PFKL: variants seen among roughly 807,000 people sequenced by gnomAD.
PFKL encodes the protein phosphofructokinase, liver type.
In PFKL, 74 loss-of-function variants were observed where a neutral mutation model predicts 92.1. The ratio of observed to expected loss-of-function variants is 0.80; its 90% CI spans 0.67 to 0.97. The LOEUF (loss-of-function observed/expected upper bound fraction) is 0.97, where lower values mean the gene tolerates loss of function less well. Among genes scored for constraint, PFKL ranks in the 50% least tolerant of loss-of-function variants. PFKL has a pLI of 0.00. For synonymous variants in PFKL, 494 were observed against 456.4 expected (o/e 1.08, Z -1.05); for missense variants, 1,028 against 1,116.6 (o/e 0.92, Z 1.13).
intron 2 of PFKL, among the ~76,000 whole-genome samples, chr21:44,309,682 C>G (rs1041537489): frequency 4.6e-5 from 7 of 152,202 alleles, no homozygotes; most frequent in African/African-American, 7.2e-5. Context: ...TGGTGGCCTC[C>G]TGCTCAGGTG....
chr21:44,311,203 G>C, intron 3 of PFKL, 120 bp downstream of exon 3: 1 of 703,152 alleles, frequency 1.4e-6, no homozygotes, highest in Non-Finnish European at 2.4e-6. Context: ...CACACATGCA[G>C]ACACACAGAC....
intron 1 of PFKL, among the ~76,000 whole-genome samples, chr21:44,303,441 A>AAAAAAATGACTTGATCG (rs1555874959): frequency 1.0e-5 from 1 of 97,096 alleles, no homozygotes; most frequent in South Asian, 3.2e-4. Flanking sequence ...ACCAAAAAAA[A>AAAAAAATGACTTGATCG]AAAAAAAAAA....
At chr21:44,307,476 T>G (rs2040985543) in intron 2 of PFKL, 1 of 206,224 alleles carries the variant, frequency 4.8e-6, no homozygotes, top group Admixed American at 6.5e-5. Context: ...GTTATTTTGT[T>G]GCCACTTTTT....
At chr21:44,311,712 C>T (rs1219779700) in intron 3 of PFKL, among the ~76,000 whole-genome samples, 1 of 152,158 alleles carries the variant, frequency 6.6e-6, no homozygotes, top group Admixed American at 6.5e-5. Flanking sequence ...GCCACGTGAG[C>T]GCACCTGGAG....
intron 1 of PFKL, among the ~76,000 whole-genome samples, chr21:44,302,269 A>G (rs966151803): frequency 3.3e-5 from 5 of 152,234 alleles, no homozygotes; most frequent in East Asian, 3.8e-4. Flanking sequence ...GCGTCTCTGT[A>G]TGTGAGCTCC....
chr21:44,306,587 A>C, intron 1 of PFKL, 94 bp from the exon 2 acceptor site: 1 of 1,071,268 alleles, frequency 9.3e-7, no homozygotes, highest in Non-Finnish European at 1.4e-6. Flanking sequence ...CAGGGTGTCC[A>C]GGCCTCCCCT....
Position 44,318,608 on chromosome 21 carries a change from C to A in PFKL, c.1062+13C>A, listed in dbSNP as rs745498827. 1 of 1,449,346 alleles carries A rather than the reference C, an allele frequency of 6.9e-7. No individual in the cohort carries two copies. The highest frequency in any genetic ancestry group is 2.2e-5 in the Admixed American group (1 of 45,236). The allele number at this position is 1,449,346 out of a possible 1,614,324, so 89.8% of individuals were successfully genotyped here. ...GTGCGTGCAGATGGTAAGCCCTGGG[C>A]CCCCCCCATCAGAACCGCCTGGCCC... On this transcript the variant is annotated intron_variant, in intron 10 of 21. Transcript: ENST00000349048.
chr21:44,324,797 T>C, intron 17 of PFKL, 59 bp from the exon 18 acceptor site: 1 of 1,588,732 alleles, frequency 6.3e-7, no homozygotes, highest in Non-Finnish European at 8.6e-7. Context: ...GGATCGCCGG[T>C]CAGCCTGGAA....
chr21:44,310,786 G>A (rs750160798), intron 2 of PFKL, among the ~76,000 whole-genome samples: 29 of 152,106 alleles, frequency 1.9e-4, no homozygotes, highest in Non-Finnish European at 3.2e-4. Context: ...CAGGAGTCAC[G>A]CCCCGGGACA....
At chr21:44,324,794 C>G in intron 17 of PFKL, 62 bp from the exon 18 acceptor site, 1 of 1,586,174 alleles carries the variant, frequency 6.3e-7, no homozygotes, top group Non-Finnish European at 8.6e-7. Context: ...CCCGGATCGC[C>G]GGTCAGCCTG....
chr21:44,305,935 G>C (rs771295149), intron 1 of PFKL: 1 of 1,359,956 alleles, frequency 7.4e-7, no homozygotes, highest in Non-Finnish European at 9.8e-7. Flanking sequence ...CAGGCTGGGG[G>C]GTGAGGGTCC....
Position 44,310,481 on chromosome 21 carries a change from G to A in PFKL, c.160-525G>A, listed in dbSNP as rs559047804. Among the ~76,000 whole-genome samples the A allele has an allele frequency of 9.2e-5, 14 of 152,316 alleles. No individual in the cohort carries two copies. The East Asian group carries it at 2.3e-3, about 25-fold the overall frequency. ...GAGGTGTGTGTGTTCTCAGCTTCCC[G>A]CTCTGGCGGGCAGATGGTAGCCTGG... On this transcript the variant is annotated intron_variant, in intron 2 of 21. Coordinates refer to ENST00000349048, the MANE Select transcript of PFKL (RefSeq NM_002626.6).
At chr21:44,304,257 C>G in intron 1 of PFKL, 2 of 1,289,196 alleles carry the variant, frequency 1.6e-6, no homozygotes, top group Non-Finnish European at 1.0e-6. Flanking sequence ...GATCCTGGGG[C>G]CCCTTTGCCG....
At chr21:44,306,340 G>A (rs1388517858) in intron 1 of PFKL, among the ~76,000 whole-genome samples, 1 of 152,182 alleles carries the variant, frequency 6.6e-6, no homozygotes, top group Non-Finnish European at 1.5e-5. Context: ...CATACTCCAG[G>A]TGCTCGGAAG....
chr21:44,303,440 A>AAAAAAAAAAAAACTTGATCG (rs2040832910), intron 1 of PFKL, among the ~76,000 whole-genome samples: 1 of 68,714 alleles, frequency 1.5e-5, no homozygotes, highest in Non-Finnish European at 2.6e-5. Flanking sequence ...GACCAAAAAA[A>AAAAAAAAAAAAACTTGATCG]AAAAAAAAAA....
chr21:44,309,603 G>T lies in PFKL; in HGVS notation c.160-1403G>T, dbSNP rs533097193. On this transcript the variant is annotated intron_variant, in intron 2 of 21. Transcript: ENST00000349048. ...CCATACCTGCCTGCCCCTCCGCCCA[G>T]TGGGGCAGGGGCCTGGCTGGCGCCT... 3.9e-5 allele frequency among the ~76,000 whole-genome samples: 6 copies of T among 152,368 alleles called. No individual in the cohort carries two copies. In the South Asian group the frequency reaches 1.0e-3, roughly 26 times the overall value.
At position 44,316,437 on chromosome 21, in the gene PFKL, G is replaced by A. The variant is rs943644255; in HGVS notation, c.849G>A (p.Val283=). ...PISSSYVKDL[V]VQRLGFDTRV... ...TCCTTCCCACTGTCCTGCAGCTGGT[G>A]GTTCAGAGGCTGGGCTTCGACACCC... Residue 283 remains valine (V), a synonymous_variant, in exon 9 of 22, where the codon GTG becomes GTA. Transcript: ENST00000349048. 1.2e-6 allele frequency: 2 copies of A among 1,611,928 alleles called. No homozygotes were observed. The highest frequency in any genetic ancestry group is 1.3e-5 in the African/African-American group (1 of 74,916).
At chr21:44,306,813 G>T in intron 2 of PFKL, 59 bp downstream of exon 2, 2 of 1,433,028 alleles carry the variant, frequency 1.4e-6, no homozygotes, top group Non-Finnish European at 2.0e-6. Flanking sequence ...GGCGCATGCC[G>T]AGGTGTGTTC....
chr21:44,322,690 G>T (rs2047387530), intron 14 of PFKL, among the ~76,000 whole-genome samples: 1 of 152,216 alleles, frequency 6.6e-6, no homozygotes, highest in Admixed American at 6.5e-5. Context: ...GAAAGCCTCG[G>T]GCAGGAAGGG....
Sources: gnomAD v4.1 joint callset for allele counts (sites outside exome capture counted in the v4.1 genomes callset) on GRCh38, gnomAD v4.1.1 for gene constraint, MANE v1.5 for transcripts, NCBI Gene and HGNC (gene_info 2026-07-23, HGNC 2026-07-21) for gene names.